The following AGBL4 variants were observed in gnomAD, a reference collection of about 807,000 sequenced individuals.
AGBL4 encodes cytosolic carboxypeptidase 6.
A neutral mutation model predicts 66.4 loss-of-function variants in AGBL4; 58 were observed. That is an observed-to-expected ratio of 0.87 (90% CI 0.71 to 1.09). The LOEUF is 1.09. AGBL4 is among the 50% of genes least tolerant of loss of function. The pLI is 0.00. For missense variants in AGBL4, 579 were observed against 631.0 expected (o/e 0.92, Z 0.88); for synonymous variants, 234 against 222.9 (o/e 1.05, Z -0.44).
chr1:49,456,878 C>G (rs1232579835), intron 3 of AGBL4, among the ~76,000 whole-genome samples: 2 of 151,734 alleles, frequency 1.3e-5, no homozygotes, highest in Non-Finnish European at 2.9e-5. Context: ...CCAATTCCAT[C>G]TGGTTTGCTG....
chr1:49,983,361 A>G (rs1334742272), intron 1 of AGBL4, among the ~76,000 whole-genome samples: 1 of 152,258 alleles, frequency 6.6e-6, no homozygotes. Flanking sequence ...ATCCAGCTAC[A>G]GCCTCACAGA....
intron 3 of AGBL4, among the ~76,000 whole-genome samples, chr1:49,380,463 A>G (rs1644576853): frequency 6.6e-6 from 1 of 152,138 alleles, no homozygotes; most frequent in African/African-American, 2.4e-5. Context: ...CAAGCTACCA[A>G]TGACTTTCTT....
intron 5 of AGBL4, among the ~76,000 whole-genome samples, chr1:48,871,961 A>G (rs868834014): frequency 1.3e-5 from 2 of 152,308 alleles, no homozygotes; most frequent in South Asian, 2.1e-4. Flanking sequence ...TCTGGATTCA[A>G]TTATTCTCTC....
chr1:49,732,499 C>T lies in AGBL4; in HGVS notation c.158-35062G>A, dbSNP rs374753718. ...TATTTAACAGGCAAAGACTTCAAAG[C>T]ATCTGTAAGAAAACTATGTTTATGA... On this transcript the variant is annotated intron_variant, in intron 2 of 13. Coordinates refer to ENST00000371839, the MANE Select transcript of AGBL4 (RefSeq NM_032785.4). 3.3e-4 allele frequency among the ~76,000 whole-genome samples: 50 copies of T among 152,222 alleles called. 1 individual carries two copies. The South Asian group carries it at 9.5e-3, about 29-fold the overall frequency.
At chr1:48,720,977 T>C (rs1647137729) in intron 6 of AGBL4, among the ~76,000 whole-genome samples, 1 of 147,710 alleles carries the variant, frequency 6.8e-6, no homozygotes, top group Non-Finnish European at 1.5e-5. Flanking sequence ...TTTTTTTTTC[T>C]CCCAAGGTTA....
intron 5 of AGBL4, among the ~76,000 whole-genome samples, chr1:48,935,934 G>T (rs1655416051): frequency 8.0e-6 from 1 of 124,452 alleles, no homozygotes; most frequent in Non-Finnish European, 1.6e-5. Flanking sequence ...CCTCCAGCCT[G>T]GGTGACAGAG....
chr1:48,531,762 ATG>A (rs1643907847), downstream of AGBL4, among the ~76,000 whole-genome samples: 1 of 150,878 alleles, frequency 6.6e-6, no homozygotes, highest in Admixed American at 6.6e-5. Flanking sequence ...CTTATTATGT[ATG>A]TATGTATGTA....
intron 6 of AGBL4, among the ~76,000 whole-genome samples, chr1:48,837,711 CTATAT>C (rs1395373744): frequency 2.4e-5 from 2 of 82,298 alleles, no homozygotes; most frequent in African/African-American, 8.9e-5. Context: ...CACACACACA[CTATAT>C]ATATATATAT....
chr1:49,152,412 A>T (rs1233719007), intron 4 of AGBL4, among the ~76,000 whole-genome samples: 2 of 152,152 alleles, frequency 1.3e-5, no homozygotes, highest in Non-Finnish European at 1.5e-5. Flanking sequence ...ATAAGAAATG[A>T]TCCCTATTCT....
At chr1:49,662,521 GGTAA>G (rs767277970) in intron 3 of AGBL4, among the ~76,000 whole-genome samples, 1 of 152,014 alleles carries the variant, frequency 6.6e-6, no homozygotes, top group African/African-American at 2.4e-5. Context: ...AAAATGAAAT[GGTAA>G]GTGATGGCCA....
At chr1:49,091,184 T>A (rs1243204254) in intron 4 of AGBL4, among the ~76,000 whole-genome samples, 2 of 152,022 alleles carry the variant, frequency 1.3e-5, no homozygotes, top group Non-Finnish European at 2.9e-5. Flanking sequence ...TGGAAAAGAT[T>A]TCATGACAAA....
intron 5 of AGBL4, among the ~76,000 whole-genome samples, chr1:48,882,005 T>C (rs1649836294): frequency 2.6e-5 from 4 of 152,174 alleles, no homozygotes; most frequent in Admixed American, 2.6e-4. Flanking sequence ...CCCCAGTGCT[T>C]TGGGAGGCTG....
chr1:49,147,690 A>C (rs528016295), intron 4 of AGBL4, among the ~76,000 whole-genome samples: 1 of 152,282 alleles, frequency 6.6e-6, no homozygotes, highest in African/African-American at 2.4e-5. Flanking sequence ...TGTTTACTTA[A>C]AAAAAGGAAA....
intron 3 of AGBL4, among the ~76,000 whole-genome samples, chr1:49,280,676 G>C (rs1405095648): frequency 1.3e-5 from 2 of 152,194 alleles, no homozygotes; most frequent in African/African-American, 4.8e-5. Flanking sequence ...GTTAATTGAG[G>C]TCAAGGTGAA....
At chr1:49,530,274 A>AAAAAAAAAAAAAAAAAC (rs1553221141) in intron 3 of AGBL4, among the ~76,000 whole-genome samples, 57 of 134,806 alleles carry the variant, frequency 4.2e-4, no homozygotes, top group African/African-American at 1.7e-3. Flanking sequence ...AAAAAAAAAC[A>AAAAAAAAAAAAAAAAAC]AAAAAAAACT....
intron 3 of AGBL4, among the ~76,000 whole-genome samples, chr1:49,683,591 G>GT (rs768299519): frequency 2.6e-5 from 4 of 152,180 alleles, no homozygotes; most frequent in Non-Finnish European, 5.9e-5. Flanking sequence ...ACCATGCTAT[G>GT]TTAGCATCAG....
chr1:49,643,395 T>C (rs1292075046), intron 3 of AGBL4, among the ~76,000 whole-genome samples: 1 of 151,228 alleles, frequency 6.6e-6, no homozygotes, highest in Admixed American at 6.6e-5. Flanking sequence ...ACAAAGGAAA[T>C]GGAAGAGAGA....
rs547973037 is a variant in AGBL4 at position 49,084,619 on chromosome 1, G to A, written c.378-38819C>T. 2.0e-5 allele frequency among the ~76,000 whole-genome samples: 3 copies of A among 152,230 alleles called. No homozygotes were observed. The South Asian group carries it at 6.2e-4, about 32-fold the overall frequency. On this transcript the variant is annotated intron_variant, in intron 4 of 13. Coordinates refer to ENST00000371839, the MANE Select transcript of AGBL4 (RefSeq NM_032785.4). ...CCTGCCCTTGACACATGGGGATTAT[G>A]ACAATTCAAGGTGAGATTTGGTTGG...
At chr1:49,285,895 C>T (rs1644395341) in intron 3 of AGBL4, among the ~76,000 whole-genome samples, 1 of 152,158 alleles carries the variant, frequency 6.6e-6, no homozygotes. Flanking sequence ...CAAAGCCGGG[C>T]AGAGACACAA....
Sources: allele counts gnomAD v4.1 joint callset (sites outside exome capture counted in the v4.1 genomes callset), GRCh38; gene constraint gnomAD v4.1.1; transcripts MANE v1.5; gene names NCBI Gene and HGNC (gene_info 2026-07-23, HGNC 2026-07-21).